Variants in HIVEP2 observed in about 807,000 individuals in gnomAD.
HIVEP2 encodes HIVEP zinc finger 2, also known as transcription factor HIVEP2.
A neutral mutation model predicts 180.7 loss-of-function variants in HIVEP2; 14 were observed. The ratio of observed to expected loss-of-function variants is 0.08; its 90% CI spans 0.05 to 0.12. The LOEUF is 0.12. Among genes scored for constraint, HIVEP2 ranks in the 10% least tolerant of loss-of-function variants. The pLI, the probability that HIVEP2 is intolerant of heterozygous loss-of-function variation, is 1.00. For synonymous variants in HIVEP2, 1,184 were observed against 1,136.4 expected, an observed-to-expected ratio of 1.04 and a Z score of -0.84; for missense variants, 2,579 against 3,008.5, an observed-to-expected ratio of 0.86 and a Z score of 3.34.
At chr6:142,865,479 C>CT (rs1188542513) in intron 1 of HIVEP2, among the ~76,000 whole-genome samples, 2 of 151,808 alleles carry the variant, frequency 1.3e-5, no homozygotes, top group East Asian at 3.8e-4. Context: ...TTACCAGTAC[C>CT]TTTTTCTTTT....
intron 1 of HIVEP2, among the ~76,000 whole-genome samples, chr6:142,871,344 C>A (rs934748987): frequency 6.6e-6 from 1 of 151,950 alleles, no homozygotes; most frequent in Non-Finnish European, 1.5e-5. Context: ...AGCCAAGCGT[C>A]AGAGTAACCA....
intron 1 of HIVEP2, among the ~76,000 whole-genome samples, chr6:142,903,181 T>C (rs1777174459): frequency 6.6e-6 from 1 of 152,246 alleles, no homozygotes; most frequent in South Asian, 2.1e-4. Context: ...ATATTGTAAA[T>C]GTTCATTGGA....
chr6:142,838,683 T>C (rs1038364215), intron 1 of HIVEP2, among the ~76,000 whole-genome samples: 1 of 152,076 alleles, frequency 6.6e-6, no homozygotes, highest in Non-Finnish European at 1.5e-5. Context: ...AAGAAAGAGG[T>C]AGGGCACTCC....
In HIVEP2 at chr6:142,766,599, A is replaced by G. The variant is rs150110511; in HGVS notation, c.5343-1625T>C. The stretch of plus-strand genomic sequence containing the variant: ...ATAGTGATGGGAAATGCATTTTATC[A>G]TCAAGCAGTATAATTTTATTTTCAA... On this transcript the variant is annotated intron_variant, in intron 6 of 9. Coordinates refer to ENST00000367603, the MANE Select transcript of HIVEP2 (RefSeq NM_006734.4). Among the ~76,000 whole-genome samples, 470 of 152,346 alleles carry G rather than the reference A, an allele frequency of 3.1e-3. 3 individuals carry two copies. Among genetic ancestry groups the G allele is most frequent in the African/African-American group, 0.011 (454 of 41,586 alleles).
intron 1 of HIVEP2, among the ~76,000 whole-genome samples, chr6:142,891,409 A>C (rs1225788906): frequency 6.7e-6 from 1 of 149,872 alleles, no homozygotes; most frequent in African/African-American, 2.4e-5. Flanking sequence ...TTTATATATA[A>C]TTTAATATTA....
At chr6:142,829,292 T>C (rs1375588203) in intron 2 of HIVEP2, among the ~76,000 whole-genome samples, 4 of 152,192 alleles carry the variant, frequency 2.6e-5, no homozygotes, top group Admixed American at 2.0e-4. Context: ...GTTCCAAACA[T>C]ACCATATGAC....
chr6:142,854,930 A>G (rs1022581484), intron 1 of HIVEP2, among the ~76,000 whole-genome samples: 4 of 152,188 alleles, frequency 2.6e-5, no homozygotes, highest in Non-Finnish European at 4.4e-5. Context: ...CCACTCCACC[A>G]CAAATGACTC....
chr6:142,922,415 C>G (rs1466883581), intron 1 of HIVEP2, among the ~76,000 whole-genome samples: 1 of 152,184 alleles, frequency 6.6e-6, no homozygotes, highest in Non-Finnish European at 1.5e-5. Context: ...CACAAGCTCT[C>G]AATTCGCATT....
intron 1 of HIVEP2, among the ~76,000 whole-genome samples, chr6:142,854,615 G>C (rs1331867253): frequency 2.6e-5 from 4 of 152,136 alleles, no homozygotes; most frequent in African/African-American, 9.7e-5. Context: ...AACTTTAGGA[G>C]GCTGGCAGAA....
At chr6:142,817,124 A>T (rs1465344394) in intron 2 of HIVEP2, among the ~76,000 whole-genome samples, 1 of 152,198 alleles carries the variant, frequency 6.6e-6, no homozygotes, top group Non-Finnish European at 1.5e-5. Flanking sequence ...TAAAATACAA[A>T]CTAAGGTTGG....
At chr6:142,865,271 T>C (rs1776110424) in intron 1 of HIVEP2, among the ~76,000 whole-genome samples, 1 of 152,190 alleles carries the variant, frequency 6.6e-6, no homozygotes, top group African/African-American at 2.4e-5. Flanking sequence ...ATTGTGCTTC[T>C]AATTGCTTAT....
At chr6:142,847,213 G>A (rs1775536577) in intron 1 of HIVEP2, among the ~76,000 whole-genome samples, 1 of 152,116 alleles carries the variant, frequency 6.6e-6, no homozygotes, top group African/African-American at 2.4e-5. Context: ...TCTGGTGCGG[G>A]GAATGCCAAG....
At chr6:142,918,297 C>T (rs1239210485) in intron 1 of HIVEP2, among the ~76,000 whole-genome samples, 5 of 152,060 alleles carry the variant, frequency 3.3e-5, no homozygotes, top group Non-Finnish European at 5.9e-5. Context: ...CCGCCTGCCT[C>T]GGCCTCCCAA....
chr6:142,850,853 T>C lies in HIVEP2; in HGVS notation c.-640-13806A>G, dbSNP rs572127970. 4.6e-5 allele frequency among the ~76,000 whole-genome samples: 7 copies of C among 152,326 alleles called. No homozygotes were observed. The South Asian group carries it at 1.4e-3, about 32-fold the overall frequency. ...CTCCATCTGGGGTCATACCTCACCG[T>C]GGTTCTCACCCTGAACACTGTCGCA... On this transcript the variant is annotated intron_variant, in intron 1 of 9. Coordinates refer to ENST00000367603, the MANE Select transcript of HIVEP2 (RefSeq NM_006734.4).
chr6:142,936,280 C>T lies in HIVEP2; in HGVS notation c.-641+8819G>A, dbSNP rs1582978053. On this transcript the variant is annotated intron_variant, in intron 1 of 9. Coordinates refer to ENST00000367603, the MANE Select transcript of HIVEP2 (RefSeq NM_006734.4). ...CGATCTCGGCTCACTGCAACCTCTACGTCCCGGGTTCAGGCGATTCTCCTG... is the reference window on the plus strand; with the variant it reads ...CGATCTCGGCTCACTGCAACCTCTATGTCCCGGGTTCAGGCGATTCTCCTG... Among the ~76,000 whole-genome samples the T allele has an allele frequency of 2.0e-5, 3 of 151,794 alleles. No individual in the cohort carries two copies. The South Asian group carries it at 6.3e-4, about 32-fold the overall frequency.
At chr6:142,787,690 C>G in intron 2 of HIVEP2, among the ~76,000 whole-genome samples, 1 of 151,512 alleles carries the variant, frequency 6.6e-6, no homozygotes, top group Non-Finnish European at 1.5e-5. Context: ...AACACACATA[C>G]ACACACACAC....
In HIVEP2 at chr6:142,862,611, C is replaced by T. The variant is rs141701015; in HGVS notation, c.-640-25564G>A. On this transcript the variant is annotated intron_variant, in intron 1 of 9. Transcript: ENST00000367603. ...ATAATACATATAATCGATTCATAAT[C>T]GATTATATGTATTATATATTTTATG... Among the ~76,000 whole-genome samples the T allele has an allele frequency of 3.3e-3, 462 of 141,488 alleles. 1 individual carries two copies. Among genetic ancestry groups the T allele is most frequent in the Non-Finnish European group, 5.6e-3 (372 of 66,142 alleles). The allele number at this position is 141,488 out of a possible 152,430, so 92.8% of individuals were successfully genotyped here. A position where few individuals can be genotyped will look rare whatever the true frequency, so the allele number is the denominator to read the frequency against.
At chr6:142,846,025 T>A in intron 1 of HIVEP2, among the ~76,000 whole-genome samples, 1 of 152,326 alleles carries the variant, frequency 6.6e-6, no homozygotes, top group Middle Eastern at 3.4e-3. Context: ...CCTCCTGGCA[T>A]CCAGTGTGAG....
intron 2 of HIVEP2, among the ~76,000 whole-genome samples, chr6:142,799,282 T>C (rs1286701006): frequency 6.6e-6 from 1 of 152,200 alleles, no homozygotes; most frequent in African/African-American, 2.4e-5. Flanking sequence ...TCATAATGAC[T>C]AGCCATTAAA....
Sources: allele counts gnomAD v4.1 joint callset (sites outside exome capture counted in the v4.1 genomes callset), GRCh38; gene constraint gnomAD v4.1.1; transcripts MANE v1.5; gene names NCBI Gene and HGNC (gene_info 2026-07-23, HGNC 2026-07-21).